SH3KBP1: variants seen among roughly 807,000 people sequenced by gnomAD.
The protein encoded by SH3KBP1 is SH3 domain-containing kinase-binding protein 1.
In SH3KBP1, 8 loss-of-function variants were observed where a neutral mutation model predicts 50.1. That is an observed-to-expected ratio of 0.16 (90% CI 0.09 to 0.29). SH3KBP1 has a LOEUF of 0.29. SH3KBP1 is among the 10% of genes least tolerant of loss of function. The pLI is 1.00. For missense variants in SH3KBP1, 377 were observed against 535.2 expected (o/e 0.70, Z 2.92); for synonymous variants, 227 against 218.6 (o/e 1.04, Z -0.34).
chrX:19,577,512 C>T (rs1040832471), intron 12 of SH3KBP1, among the ~76,000 whole-genome samples: 2 of 111,292 alleles, frequency 1.8e-5, no homozygotes, highest in Non-Finnish European at 3.8e-5. Context: ...CTGTTCTTCC[C>T]ACTCAGACTC....
chrX:19,602,527 A>T (rs1169916765), intron 9 of SH3KBP1, among the ~76,000 whole-genome samples: 1 of 112,366 alleles, frequency 8.9e-6, no homozygotes, highest in Non-Finnish European at 1.9e-5. Flanking sequence ...TTGCATGTGA[A>T]ACCACCCATG....
intron 6 of SH3KBP1, among the ~76,000 whole-genome samples, chrX:19,655,854 AAC>A (rs1390670765): frequency 8.9e-6 from 1 of 112,107 alleles, no homozygotes; most frequent in Non-Finnish European, 1.9e-5. Context: ...CAAAATCATT[AAC>A]AGAGCATCAC....
At chrX:19,803,217 CT>C (rs942907006) in intron 2 of SH3KBP1, among the ~76,000 whole-genome samples, 7 of 111,927 alleles carry the variant, frequency 6.3e-5, no homozygotes, top group African/African-American at 2.3e-4. Context: ...GAATGTCCAA[CT>C]TTTTTTATTT....
At chrX:19,652,989 T>A (rs1343825816) in intron 6 of SH3KBP1, among the ~76,000 whole-genome samples, 2 of 111,581 alleles carry the variant, frequency 1.8e-5, no homozygotes, top group Non-Finnish European at 3.8e-5. Flanking sequence ...TGTTGTTGGT[T>A]TTTTTTTGTT....
chrX:19,732,899 C>T (rs917270612), intron 3 of SH3KBP1, among the ~76,000 whole-genome samples: 9 of 111,606 alleles, frequency 8.1e-5, no homozygotes, highest in Non-Finnish European at 1.1e-4. Flanking sequence ...CAAAAGCCAA[C>T]AATAACCACT....
At chrX:19,756,033 G>A (rs2065200647) in intron 2 of SH3KBP1, among the ~76,000 whole-genome samples, 1 of 110,491 alleles carries the variant, frequency 9.1e-6, no homozygotes, top group Admixed American at 9.7e-5. Context: ...GATGCTCCTG[G>A]CCGAATAAAC....
At chrX:19,772,648 A>G (rs2065824661) in intron 2 of SH3KBP1, among the ~76,000 whole-genome samples, 1 of 111,614 alleles carries the variant, frequency 9.0e-6, no homozygotes, top group South Asian at 3.7e-4. Context: ...CAGTAGAGAA[A>G]GTCAAAGGAA....
rs763687399 is a variant in SH3KBP1 at position 19,621,332 on chromosome X, G to A, written c.897+10532C>T. On this transcript the variant is annotated intron_variant, in intron 8 of 17. Transcript: ENST00000397821. ...TCTCGATCTCCTGACCTCGTGATCC[G>A]CCCGTCTTGGCTTCCCAAAGTGCTG... 1.7e-3 allele frequency among the ~76,000 whole-genome samples: 174 copies of A among 103,352 alleles called. 1 individual carries two copies. Among genetic ancestry groups the A allele is most frequent in the Non-Finnish European group, 2.8e-3 (143 of 51,189 alleles). The allele number at this position is 103,352 out of a possible 115,157, so 89.7% of individuals were successfully genotyped here. A position where few individuals can be genotyped will look rare whatever the true frequency, so the allele number is the denominator to read the frequency against.
chrX:19,795,781 A>G (rs1232544415), intron 2 of SH3KBP1, among the ~76,000 whole-genome samples: 1 of 111,904 alleles, frequency 8.9e-6, no homozygotes, highest in Non-Finnish European at 1.9e-5. Context: ...AGAAGCTTAA[A>G]TCAATGGTGT....
At chrX:19,738,694 CAAAAAAAAAAAA>C (rs1193680181) in intron 3 of SH3KBP1, among the ~76,000 whole-genome samples, 6 of 37,175 alleles carry the variant, frequency 1.6e-4, no homozygotes, top group Admixed American at 3.5e-4. Context: ...GTCAGCAATG[CAAAAAAAAAAAA>C]AAAAAAAAAA....
chrX:19,695,055 G>A lies in SH3KBP1; in HGVS notation c.520+557C>T, dbSNP rs750689665. On this transcript the variant is annotated intron_variant, in intron 5 of 17. Coordinates refer to ENST00000397821, the MANE Select transcript of SH3KBP1 (RefSeq NM_031892.3). ...GCTGGAGGGAGACCTTCAGGCCCTG[G>A]AGAAAGAAAGACCTGAAGTTCGTTG... 73 of 1,190,088 alleles carry A rather than the reference G, an allele frequency of 6.1e-5. No individual in the cohort carries two copies. The highest frequency in any genetic ancestry group is 4.4e-5 in the Non-Finnish European group (39 of 883,720).
At chrX:19,807,498 G>C (rs1344556910) in intron 2 of SH3KBP1, among the ~76,000 whole-genome samples, 1 of 110,467 alleles carries the variant, frequency 9.1e-6, no homozygotes, top group Non-Finnish European at 1.9e-5. Context: ...TCACGTGTGG[G>C]CTCCAACTTC....
chrX:19,565,898 T>C (rs2065829462), intron 13 of SH3KBP1, among the ~76,000 whole-genome samples: 1 of 109,664 alleles, frequency 9.1e-6, no homozygotes, highest in Admixed American at 9.7e-5. Context: ...CGTTTTACAT[T>C]ACAAAATGAT....
rs149420282 is a variant in SH3KBP1, at chrX:19,560,219, C to CAA, written c.1384+8882_1384+8883dup. Among the ~76,000 whole-genome samples the CAA allele has an allele frequency of 8.3e-4, 85 of 102,128 alleles. 1 individual carries two copies. Among genetic ancestry groups the CAA allele is most frequent in the Admixed American group, 2.1e-3 (20 of 9,461 alleles). The allele number at this position is 102,128 out of a possible 115,157, so 88.7% of individuals were successfully genotyped here. A position where few individuals can be genotyped will look rare whatever the true frequency, so the allele number is the denominator to read the frequency against. On this transcript the variant is annotated intron_variant, in intron 13 of 17. Coordinates refer to ENST00000397821, the MANE Select transcript of SH3KBP1 (RefSeq NM_031892.3). Reference sequence around the variant, plus strand: ...ATTTAAAAGCAAAAAATCATTAAGCCAAAAAAAAAACCCCTAGATTAGATC... The same window carrying CAA: ...ATTTAAAAGCAAAAAATCATTAAGCCAAAAAAAAAAAACCCCTAGATTAGATC...
chrX:19,683,738 T>G (rs770338144), intron 6 of SH3KBP1, 85 bp downstream of exon 6: 1 of 883,921 alleles, frequency 1.1e-6, no homozygotes, highest in Non-Finnish European at 1.6e-6. Context: ...AAAAGAGGAA[T>G]TGGAAGCCTC....
chrX:19,692,691 T>A (rs182432862), intron 5 of SH3KBP1, among the ~76,000 whole-genome samples: 11,448 of 80,609 alleles, frequency 0.14, 824 homozygotes, highest in African/African-American at 0.17. Context: ...ATATATATAT[T>A]TTTTTTTTTT....
chrX:19,745,254 T>C (rs949432802), intron 3 of SH3KBP1, among the ~76,000 whole-genome samples: 2 of 112,428 alleles, frequency 1.8e-5, no homozygotes, highest in Non-Finnish European at 3.8e-5. Context: ...GAAAATCCTA[T>C]AGCTGCTAAC....
intron 7 of SH3KBP1, among the ~76,000 whole-genome samples, chrX:19,634,031 G>GGTGTGTGTGTGTGTGTGTGT (rs60109180): frequency 6.2e-5 from 2 of 32,159 alleles, no homozygotes; most frequent in African/African-American, 1.2e-4. Context: ...TTTGTTCCCT[G>GGTGTGTGTGTGTGTGTGTGT]GTGTGTGTGT....
At chrX:19,806,669 G>A (rs1034136043) in intron 2 of SH3KBP1, among the ~76,000 whole-genome samples, 10 of 111,674 alleles carry the variant, frequency 9.0e-5, no homozygotes, top group Non-Finnish European at 1.7e-4. Context: ...GTATTCTGCT[G>A]TGTAGTAAGA....
Sources: allele counts gnomAD v4.1 joint callset (sites outside exome capture counted in the v4.1 genomes callset), GRCh38; gene constraint gnomAD v4.1.1; transcripts MANE v1.5; gene names NCBI Gene and HGNC (gene_info 2026-07-23, HGNC 2026-07-21).